The following UGCG variants were observed in gnomAD, a reference collection of about 807,000 sequenced individuals.
UGCG encodes ceramide glucosyltransferase.
In UGCG, 10 loss-of-function variants were observed where a neutral mutation model predicts 49.5. That is an observed-to-expected ratio of 0.20 (90% CI 0.12 to 0.34). The LOEUF (loss-of-function observed/expected upper bound fraction) is 0.34. Among genes scored for constraint, UGCG ranks in the 10% least tolerant of loss-of-function variants. UGCG has a pLI of 1.00. For missense variants in UGCG, 312 were observed against 483.7 expected (o/e 0.65, Z 3.33); for synonymous variants, 182 against 158.2 (o/e 1.15, Z -1.13).
chr9:111,928,667 T>G (rs1284565407), intron 5 of UGCG, among the ~76,000 whole-genome samples: 1 of 152,196 alleles, frequency 6.6e-6, no homozygotes. Context: ...GCAAGAATCA[T>G]AATCATAATT....
At chr9:111,929,450 T>A in intron 5 of UGCG, 50 bp from the exon 6 acceptor site, 1 of 1,563,826 alleles carries the variant, frequency 6.4e-7, no homozygotes, top group South Asian at 1.2e-5. Flanking sequence ...GTGAACACCA[T>A]GCTTTTAACA....
At chr9:111,899,478 A>C (rs1184878739) in intron 1 of UGCG, among the ~76,000 whole-genome samples, 1 of 152,186 alleles carries the variant, frequency 6.6e-6, no homozygotes, top group Admixed American at 6.5e-5. Flanking sequence ...CTGTGCTGCA[A>C]TCTGTTGCTG....
At chr9:111,903,793 G>C (rs1564197350) in intron 1 of UGCG, among the ~76,000 whole-genome samples, 2 of 151,984 alleles carry the variant, frequency 1.3e-5, no homozygotes, top group Admixed American at 1.3e-4. Flanking sequence ...ACGGGGTTCC[G>C]CCGTGTTGGC....
chr9:111,901,774 T>A (rs1837778117), intron 1 of UGCG, among the ~76,000 whole-genome samples: 1 of 152,228 alleles, frequency 6.6e-6, no homozygotes, highest in African/African-American at 2.4e-5. Flanking sequence ...TCCCTGCCTT[T>A]CTCTCTGACA....
intron 1 of UGCG, among the ~76,000 whole-genome samples, chr9:111,900,807 T>A (rs528450539): frequency 2.2e-3 from 337 of 152,268 alleles, no homozygotes; most frequent in African/African-American, 7.6e-3. Context: ...GGAGATTTTT[T>A]AAGTTTTTTT....
rs1838468771 is a variant in UGCG at position 111,933,813 on chromosome 9, CT to C, written c.*817del. 6.6e-6 allele frequency: 1 copy of C among 152,232 alleles called. No individual in the cohort carries two copies. Among genetic ancestry groups the C allele is most frequent in the Non-Finnish European group, 1.5e-5 (1 of 68,016 alleles). The allele number at this position is 152,232 out of a possible 1,614,324, so 9.4% of individuals were successfully genotyped here. The stretch of plus-strand genomic sequence containing the variant: ...TATAGCTAAATCTTTTCCTTCCTTG[CT>C]CCTCCCCCAGCCCACCCCGTCTTCC... On this transcript the variant is annotated 3_prime_UTR_variant, in exon 9 of 9. Transcript: ENST00000374279.
intron 2 of UGCG, among the ~76,000 whole-genome samples, chr9:111,920,708 G>A (rs1157263007): frequency 6.6e-6 from 1 of 151,966 alleles, no homozygotes; most frequent in Non-Finnish European, 1.5e-5. Context: ...TATAGGTAGT[G>A]GGCAAACAAT....
In UGCG at chr9:111,897,089, T is replaced by A; in HGVS notation, c.-127T>A. The A allele has an allele frequency of 7.9e-5, 17 of 216,168 alleles. No individual in the cohort carries two copies. Among genetic ancestry groups the A allele is most frequent in the East Asian group, 2.0e-4 (1 of 5,120 alleles). The allele number at this position is 216,168 out of a possible 1,614,324, so 13.4% of individuals were successfully genotyped here. A position where few individuals can be genotyped will look rare whatever the true frequency, so the allele number is the denominator to read the frequency against. On this transcript the variant is annotated 5_prime_UTR_variant, in exon 1 of 9. Transcript: ENST00000374279. ...CTTCCGTCCCCACCCCCCTCCGCCC[T>A]TTCCTCTCCCCACCTTCCTCTCGCC...
At chr9:111,918,944 C>CA (rs1323650476) in intron 2 of UGCG, among the ~76,000 whole-genome samples, 31 of 116,214 alleles carry the variant, frequency 2.7e-4, no homozygotes, top group Admixed American at 1.3e-3. Context: ...AAACAAAAAA[C>CA]AAAAAAACAA....
intron 4 of UGCG, among the ~76,000 whole-genome samples, chr9:111,925,916 C>CAGAT (rs1424563582): frequency 2.6e-5 from 4 of 152,132 alleles, no homozygotes; most frequent in African/African-American, 7.2e-5. Context: ...TTTCAGTGTA[C>CAGAT]AGATCTCTGT....
intron 1 of UGCG, among the ~76,000 whole-genome samples, chr9:111,910,703 A>G (rs1176945868): frequency 6.6e-6 from 1 of 152,048 alleles, no homozygotes; most frequent in Non-Finnish European, 1.5e-5. Context: ...TCTTGGCCCA[A>G]ACCCACGTGG....
At position 111,910,986 on chromosome 9, in the gene UGCG, A is replaced by G. The variant is rs1008345058; in HGVS notation, c.99-3619A>G. Among the ~76,000 whole-genome samples the G allele has an allele frequency of 2.6e-5, 4 of 152,262 alleles. No homozygotes were observed. The East Asian group carries it at 7.7e-4, about 29-fold the overall frequency. ...GGTCTCAAACTCCTGACCTCAAGTG[A>G]TCCACCTGCCTCCACCTTTGAAAGT... is the stretch of plus-strand genomic sequence containing the variant. On this transcript the variant is annotated intron_variant, in intron 1 of 8. Coordinates refer to ENST00000374279, the MANE Select transcript of UGCG (RefSeq NM_003358.3).
intron 1 of UGCG, 66 bp downstream of exon 1, chr9:111,897,379 GAA>G: frequency 7.3e-7 from 1 of 1,362,014 alleles, no homozygotes; most frequent in Non-Finnish European, 1.0e-6. Context: ...GCGAGAATGG[GAA>G]ACGTTTGCGC....
At chr9:111,900,120 ATT>A (rs11365963) in intron 1 of UGCG, among the ~76,000 whole-genome samples, 22,702 of 145,900 alleles carry the variant, frequency 0.16, 1,731 homozygotes, top group African/African-American at 0.17. Context: ...TTATGGGTTA[ATT>A]TTTTTTTTTT....
chr9:111,909,327 G>GA (rs1346126472), intron 1 of UGCG, among the ~76,000 whole-genome samples: 6 of 151,658 alleles, frequency 4.0e-5, no homozygotes, highest in Admixed American at 1.3e-4. Flanking sequence ...AAATTTTTTT[G>GA]AAAAAAATCA....
chr9:111,929,127 A>G (rs1397913329), intron 5 of UGCG: 1 of 171,268 alleles, frequency 5.8e-6, no homozygotes, highest in Non-Finnish European at 1.2e-5. Flanking sequence ...ATGCATGTAT[A>G]TATACACACA....
At chr9:111,905,291 A>G (rs975388180) in intron 1 of UGCG, among the ~76,000 whole-genome samples, 2 of 152,158 alleles carry the variant, frequency 1.3e-5, no homozygotes, top group African/African-American at 4.8e-5. Flanking sequence ...TCTACTGGAC[A>G]TTACCATTCT....
At chr9:111,901,042 C>G (rs1253632793) in intron 1 of UGCG, among the ~76,000 whole-genome samples, 1 of 152,104 alleles carries the variant, frequency 6.6e-6, no homozygotes, top group African/African-American at 2.4e-5. Flanking sequence ...TCTCAAACTC[C>G]TGGGCTCAAG....
At position 111,896,989 on chromosome 9, in the gene UGCG, A is replaced by T. The variant is rs924282886; in HGVS notation, c.-227A>T. On this transcript the variant is annotated 5_prime_UTR_variant, in exon 1 of 9. Transcript: ENST00000374279. The stretch of plus-strand genomic sequence containing the variant: ...AGAGCCGGGAGACCGCAGCACCCGC[A>T]GCCGCCCGCGAGCGCGCCGAAGACA... 8.1e-5 allele frequency: 20 copies of T among 245,720 alleles called. No individual in the cohort carries two copies. The highest frequency in any genetic ancestry group is 1.2e-3 in the Middle Eastern group (1 of 866). 15.2% of individuals were successfully genotyped at this position (245,720 alleles called of 1,614,324 possible).
Sources: allele counts gnomAD v4.1 joint callset (sites outside exome capture counted in the v4.1 genomes callset), GRCh38; gene constraint gnomAD v4.1.1; transcripts MANE v1.5; gene names NCBI Gene and HGNC (gene_info 2026-07-23, HGNC 2026-07-21).